SH3TC2: variants seen among roughly 807,000 people sequenced by gnomAD.
SH3TC2 encodes the protein SH3 domain and tetratricopeptide repeats 2.
A neutral mutation model predicts 124.5 loss-of-function variants in SH3TC2; 87 were observed. The observed-to-expected ratio is 0.70, with a 90% CI of 0.59 to 0.84. The LOEUF (loss-of-function observed/expected upper bound fraction) is 0.84, where lower values mean the gene tolerates loss of function less well. SH3TC2 is among the 40% of genes least tolerant of loss of function. The probability of loss-of-function intolerance (pLI) is 0.00; values close to 1 mark genes in which losing one functional copy is unlikely to be tolerated. For synonymous variants in SH3TC2, 634 were observed against 628.5 expected (o/e 1.01, Z -0.13); for missense variants, 1,536 against 1,566.4 (o/e 0.98, Z 0.33).
intron 3 of SH3TC2, chr5:149,044,939 G>A: frequency 3.9e-6 from 1 of 254,748 alleles, no homozygotes; most frequent in African/African-American, 2.2e-5. Context: ...AGAAGCCAGG[G>A]AATAGAACTA....
intron 9 of SH3TC2, among the ~76,000 whole-genome samples, chr5:149,031,297 G>A (rs1754187775): frequency 6.6e-6 from 1 of 152,148 alleles, no homozygotes; most frequent in Non-Finnish European, 1.5e-5. Flanking sequence ...GGAAGACCCA[G>A]TACAGCCAGT....
intron 12 of SH3TC2, among the ~76,000 whole-genome samples, chr5:149,013,560 C>T (rs1753820389): frequency 6.6e-6 from 1 of 152,148 alleles, no homozygotes; most frequent in South Asian, 2.1e-4. Context: ...ACAGTGGTAA[C>T]TTTAAATCAT....
intron 13 of SH3TC2, 129 bp from the exon 14 acceptor site, chr5:149,010,521 G>A: frequency 5.6e-6 from 7 of 1,241,544 alleles, no homozygotes; most frequent in African/African-American, 1.5e-5. Flanking sequence ...AATCCTAAAT[G>A]TCTTCACACT....
intron 5 of SH3TC2, among the ~76,000 whole-genome samples, chr5:149,041,848 T>C (rs1754377006): frequency 6.6e-6 from 1 of 152,180 alleles, no homozygotes; most frequent in Admixed American, 6.5e-5. Flanking sequence ...CCAACATTTC[T>C]AATAATCTAT....
chr5:149,031,616 G>A lies in SH3TC2; in HGVS notation c.1073C>T (p.Thr358Ile), dbSNP rs1333869465. ...AGTGTGGAGGAAGCTGGAACACTCA[G>A]TCTGCTTATCACTTCCCAGGGCCAA... Reference protein sequence around the residue: ...SLLALGSDKQTECSSFLHTLA... With the variant: ...SLLALGSDKQIECSSFLHTLA... The change falls in exon 9 of 17, where the codon ACT (threonine) becomes ATT (isoleucine). Residue 358 changes from threonine to isoleucine, a missense_variant. Thr to Ile is a moderately conservative substitution (Grantham distance 89). Around this residue, in one of 3 missense-constraint regions of SH3TC2, gnomAD observed 1,102 missense variants for 1,098.6 expected, o/e 1.00. Coordinates refer to ENST00000515425, the MANE Select transcript of SH3TC2 (RefSeq NM_024577.4). The A allele has an allele frequency of 5.0e-6, 8 of 1,614,036 alleles. No homozygotes were observed. In the East Asian group the frequency reaches 1.8e-4, roughly 36 times the overall value.
intron 12 of SH3TC2, among the ~76,000 whole-genome samples, chr5:149,014,363 C>T (rs1190521634): frequency 1.3e-5 from 2 of 152,176 alleles, no homozygotes; most frequent in Non-Finnish European, 2.9e-5. Flanking sequence ...CCAGAAATAC[C>T]GATCATCATC....
At chr5:149,054,951 T>C (rs1318230150) in intron 1 of SH3TC2, among the ~76,000 whole-genome samples, 1 of 152,174 alleles carries the variant, frequency 6.6e-6, no homozygotes, top group African/African-American at 2.4e-5. Context: ...CACAGCTTTT[T>C]AAGGATTTGT....
intron 1 of SH3TC2, among the ~76,000 whole-genome samples, chr5:149,059,225 G>A (rs970112004): frequency 6.6e-6 from 1 of 152,084 alleles, no homozygotes; most frequent in Admixed American, 6.6e-5. Context: ...AGATCACACA[G>A]CAAATTAACA....
In SH3TC2 at chr5:148,996,006, C is replaced by T. The variant is rs1371865314; in HGVS notation, c.*8705G>A. Among the ~76,000 whole-genome samples, 1 of 151,830 alleles carries T rather than the reference C, an allele frequency of 6.6e-6. No homozygotes were observed. The highest frequency in any genetic ancestry group is 2.4e-5 in the African/African-American group (1 of 41,316). ...CCTGTTACCCCAGCACTTTGGAAGG[C>T]TGAGGTGGGTGGATGATTTGAGCCC... On this transcript the variant is annotated 3_prime_UTR_variant, in exon 17 of 17. Coordinates refer to ENST00000515425, the MANE Select transcript of SH3TC2 (RefSeq NM_024577.4).
rs2127386551 is a variant in SH3TC2 at position 148,983,541 on chromosome 5, A to G, written c.*21170T>C. On this transcript the variant is annotated 3_prime_UTR_variant, in exon 17 of 17. Transcript: ENST00000515425. ...GCAGCTCCCTTTTTTACAGTTCTGC[A>G]TATGTGGGAGCTGAATTGCATACTG... 6.6e-6 allele frequency among the ~76,000 whole-genome samples: 1 copy of G among 152,284 alleles called. No homozygotes were observed. The highest frequency in any genetic ancestry group is 1.9e-4 in the East Asian group (1 of 5,184).
intron 3 of SH3TC2, 154 bp downstream of exon 3, chr5:149,047,708 G>C (rs1754487709): frequency 1.9e-6 from 2 of 1,030,036 alleles, no homozygotes; most frequent in Non-Finnish European, 2.9e-6. Context: ...CCTGTGCAGA[G>C]AATGTGCACG....
rs776029143 is a variant in SH3TC2 at position 149,027,968 on chromosome 5, G to A, written c.1764C>T (p.Gly588=). 17 of 1,614,194 alleles carry A rather than the reference G, an allele frequency of 1.1e-5. No homozygotes were observed. The highest frequency in any genetic ancestry group is 1.4e-5 in the Non-Finnish European group (17 of 1,180,052). The part of the protein sequence containing the change: ...IYLKQRLRHK[G]SALLEKAGAL... ...CACCTGCCTTTTCCAACAGGGCGGA[G>A]CCTTTATGTCTCAGCCTCTGTTTCA... Residue 588 remains glycine, a synonymous_variant, in exon 11 of 17, where the codon GGC becomes GGT. Transcript: ENST00000515425.
intron 1 of SH3TC2, among the ~76,000 whole-genome samples, chr5:149,058,566 CTT>C (rs201490813): frequency 7.0e-6 from 1 of 143,716 alleles, no homozygotes; most frequent in Non-Finnish European, 1.5e-5. Context: ...GTTGAAAGAG[CTT>C]TTTTTTTTTT....
intron 6 of SH3TC2, 48 bp downstream of exon 6, chr5:149,041,368 C>A (rs1289825557): frequency 6.3e-7 from 1 of 1,597,492 alleles, no homozygotes; most frequent in South Asian, 1.1e-5. Context: ...TCTGTGCAAA[C>A]CTCAGTCTGC....
In SH3TC2 at chr5:148,993,953, C is replaced by T. The variant is rs1248819579; in HGVS notation, c.*10758G>A. Reference sequence around the variant, plus strand: ...TTTACATATATTCACACATTTGATCCACACAACAATCCCATGAGATAAGTA... The same window carrying T: ...TTTACATATATTCACACATTTGATCTACACAACAATCCCATGAGATAAGTA... On this transcript the variant is annotated 3_prime_UTR_variant, in exon 17 of 17. Coordinates refer to ENST00000515425, the MANE Select transcript of SH3TC2 (RefSeq NM_024577.4). Among the ~76,000 whole-genome samples, 1 of 152,040 alleles carries T rather than the reference C, an allele frequency of 6.6e-6. No individual in the cohort carries two copies. Among genetic ancestry groups the T allele is most frequent in the African/African-American group, 2.4e-5 (1 of 41,380 alleles).
chr5:148,982,311 G>A lies in SH3TC2; in HGVS notation c.*22400C>T, dbSNP rs188381216. 4.6e-5 allele frequency among the ~76,000 whole-genome samples: 7 copies of A among 152,280 alleles called. No individual in the cohort carries two copies. The East Asian group carries it at 1.4e-3, about 29-fold the overall frequency. On this transcript the variant is annotated 3_prime_UTR_variant, in exon 17 of 17. Transcript: ENST00000515425. ...ATTGTAGGAGAATACATTGACAAGA[G>A]CATCATGAAGGGCCATTCAGCGTCT...
At position 149,028,532 on chromosome 5, in the gene SH3TC2, C is replaced by T; in HGVS notation, c.1200G>A (p.Lys400=). ...CCCAGGCTCTGCCAGGCCTGACCTC[C>T]TTGAAACCTTCAGGCTGGGATGCTG... ...DLSASQPEGF[K]EVRPGRAWEE... is the part of the protein sequence containing the mutation. The change falls in exon 11 of 17, where the codon AAG becomes AAA. Residue 400 remains lysine (K), a synonymous_variant. Transcript: ENST00000515425. 4 of 1,614,018 alleles carry T rather than the reference C, an allele frequency of 2.5e-6. No homozygotes were observed. Among genetic ancestry groups the T allele is most frequent in the Non-Finnish European group, 2.5e-6 (3 of 1,179,950 alleles).
Position 148,986,885 on chromosome 5 carries a change from G to GTTAT in SH3TC2, c.*17825_*17826insATAA, listed in dbSNP as rs1753341379. Among the ~76,000 whole-genome samples the GTTAT allele has an allele frequency of 6.6e-6, 1 of 152,190 alleles. No homozygotes were observed. The highest frequency in any genetic ancestry group is 1.9e-4 in the East Asian group (1 of 5,200). ...GTTAAAACAGTTACACCCAAAAAAT[G>GTTAT]CTGAGATTATTTAACAATGCAATAA... is the stretch of plus-strand genomic sequence containing the variant. On this transcript the variant is annotated 3_prime_UTR_variant, in exon 17 of 17. Transcript: ENST00000515425.
In SH3TC2 at chr5:148,999,460, T is replaced by G. The variant is rs930061010; in HGVS notation, c.*5251A>C. Among the ~76,000 whole-genome samples the G allele has an allele frequency of 5.3e-5, 8 of 152,170 alleles. No individual in the cohort carries two copies. Among genetic ancestry groups the G allele is most frequent in the Non-Finnish European group, 1.2e-4 (8 of 68,036 alleles). On this transcript the variant is annotated 3_prime_UTR_variant, in exon 17 of 17. Coordinates refer to ENST00000515425, the MANE Select transcript of SH3TC2 (RefSeq NM_024577.4). ...CCACCTGAGCTGCCACCTGAGTGAG[T>G]GCAGAGCCCATTCCCTTGAATTTCT...
Sources: allele counts gnomAD v4.1 joint callset (sites outside exome capture counted in the v4.1 genomes callset), GRCh38; gene constraint gnomAD v4.1.1; regional missense constraint gnomAD v4.1.1; transcripts MANE v1.5; gene names NCBI Gene and HGNC (gene_info 2026-07-23, HGNC 2026-07-21).